UGT1A9: variants seen among roughly 807,000 people sequenced by gnomAD.
UGT1A9 encodes UDP glucuronosyltransferase family 1 member A9, also known as UDP-glucuronosyltransferase 1A9.
In UGT1A9, 35 loss-of-function variants were observed where a neutral mutation model predicts 45.0. The ratio of observed to expected loss-of-function variants is 0.78; its 90% CI spans 0.59 to 1.03. The LOEUF is 1.03. UGT1A9 is among the 50% of genes least tolerant of loss of function. UGT1A9 has a pLI of 0.00. For synonymous variants in UGT1A9, 278 were observed against 250.6 expected, an observed-to-expected ratio of 1.11 and a Z score of -1.03; for missense variants, 687 against 666.6, an observed-to-expected ratio of 1.03 and a Z score of -0.34.
At chr2:233,749,829 T>G (rs758485445) in intron 1 of UGT1A9, among the ~76,000 whole-genome samples, 2 of 151,956 alleles carry the variant, frequency 1.3e-5, no homozygotes, top group Non-Finnish European at 2.9e-5. Context: ...CTCTCTTTCA[T>G]GTAAGACGTG....
chr2:233,761,198 T>G (rs1477470305), intron 1 of UGT1A9: 1 of 1,614,016 alleles, frequency 6.2e-7, no homozygotes, highest in African/African-American at 1.3e-5. Context: ...CTTTCAGATG[T>G]ATTACTTTGG....
intron 1 of UGT1A9, among the ~76,000 whole-genome samples, chr2:233,711,923 C>G (rs946379005): frequency 1.3e-5 from 2 of 152,212 alleles, no homozygotes; most frequent in Admixed American, 6.5e-5. Flanking sequence ...TGCTCAGGGT[C>G]TCTCCATTAG....
chr2:233,725,960 G>A (rs574964594), intron 1 of UGT1A9, among the ~76,000 whole-genome samples: 2 of 152,228 alleles, frequency 1.3e-5, no homozygotes, highest in East Asian at 3.9e-4. Flanking sequence ...GAGCCCAGGA[G>A]TCTGAGAGCA....
intron 1 of UGT1A9, among the ~76,000 whole-genome samples, chr2:233,724,137 G>A (rs1240134584): frequency 1.9e-4 from 22 of 114,476 alleles, no homozygotes; most frequent in Non-Finnish European, 2.5e-4. Context: ...CCTCCCGGAC[G>A]GGGCGGCTGG....
chr2:233,739,031 G>A (rs1340117619), intron 1 of UGT1A9: 1 of 152,236 alleles, frequency 6.6e-6, no homozygotes, highest in East Asian at 1.9e-4. Flanking sequence ...GGCTAAAAGG[G>A]GCCAAGGTAG....
At chr2:233,686,264 G>C (rs1414310653) in intron 1 of UGT1A9, among the ~76,000 whole-genome samples, 1 of 149,158 alleles carries the variant, frequency 6.7e-6, no homozygotes, top group African/African-American at 2.5e-5. Flanking sequence ...TTTTTTTCTT[G>C]TACCAAAAGT....
chr2:233,721,880 C>A, intron 1 of UGT1A9: 1 of 494,092 alleles, frequency 2.0e-6, no homozygotes, highest in Admixed American at 2.1e-5. Flanking sequence ...CTTGCCAGCC[C>A]CTCCATTGCA....
chr2:233,719,552 A>G (rs2076779891), intron 1 of UGT1A9: 8 of 1,613,748 alleles, frequency 5.0e-6, no homozygotes, highest in South Asian at 4.4e-5. Context: ...GAGAGGTGTC[A>G]GTGGTGGATC....
At chr2:233,751,090 G>C (rs1035981747) in intron 1 of UGT1A9, among the ~76,000 whole-genome samples, 2 of 151,962 alleles carry the variant, frequency 1.3e-5, no homozygotes, top group African/African-American at 2.4e-5. Context: ...GCAGCCAGGA[G>C]GAGGGCTTTG....
Position 233,719,305 on chromosome 2 carries a change from C to T in UGT1A9, c.855+46516C>T, listed in dbSNP as rs149960993. 1.9e-6 allele frequency: 3 copies of T among 1,613,868 alleles called. No individual in the cohort carries two copies. The African/African-American group carries it at 4.0e-5, about 22-fold the overall frequency. ...GTTAACCTCTGTGGGGCGGTGCTGG[C>T]TAAGTACCTGTCGATTCCTGCTGTG... On this transcript the variant is annotated intron_variant, in intron 1 of 4. Coordinates refer to ENST00000354728, the MANE Select transcript of UGT1A9 (RefSeq NM_021027.3).
At chr2:233,730,565 C>T (rs28898621) in intron 1 of UGT1A9, among the ~76,000 whole-genome samples, 10,381 of 152,078 alleles carry the variant, frequency 0.068, 502 homozygotes, top group East Asian at 0.2. Context: ...GAATGACACA[C>T]GAAGTTCAGT....
intron 1 of UGT1A9, chr2:233,693,306 AGCGATCAT>A (rs756247259): frequency 1.2e-6 from 2 of 1,614,218 alleles, no homozygotes; most frequent in Admixed American, 3.3e-5. Flanking sequence ...CACTTTGCTG[AGCGATCAT>A]TCCTAACTGC....
intron 1 of UGT1A9, among the ~76,000 whole-genome samples, chr2:233,745,151 G>A (rs1280914667): frequency 6.6e-6 from 1 of 151,808 alleles, no homozygotes; most frequent in African/African-American, 2.4e-5. Flanking sequence ...AGTATATGGA[G>A]GGTCAAATGT....
intron 1 of UGT1A9, among the ~76,000 whole-genome samples, chr2:233,707,461 T>C (rs1015244462): frequency 6.6e-6 from 1 of 152,148 alleles, no homozygotes; most frequent in Admixed American, 6.5e-5. Context: ...TAAATTTGCA[T>C]CTGTAAATAA....
At position 233,700,243 on chromosome 2, in the gene UGT1A9, C is replaced by T. The variant is rs28898585; in HGVS notation, c.855+27454C>T. ...CTAGGCAACTCAGTAGAACAAAAGC[C>T]CCAAAATGCCAAGTCATTCTTAATA... On this transcript the variant is annotated intron_variant, in intron 1 of 4. Transcript: ENST00000354728. Among the ~76,000 whole-genome samples the T allele has an allele frequency of 7.4e-3, 1,126 of 152,274 alleles. 17 individuals carry two copies. Among genetic ancestry groups the T allele is most frequent in the African/African-American group, 0.025 (1,040 of 41,540 alleles).
chr2:233,701,917 A>C (rs1244253479), intron 1 of UGT1A9, among the ~76,000 whole-genome samples: 3 of 152,188 alleles, frequency 2.0e-5, no homozygotes, highest in South Asian at 2.1e-4. Flanking sequence ...TGACACCCTA[A>C]CATCACAATT....
intron 1 of UGT1A9, among the ~76,000 whole-genome samples, chr2:233,737,011 AG>A (rs2078834177): frequency 1.3e-5 from 2 of 152,192 alleles, no homozygotes; most frequent in Non-Finnish European, 2.9e-5. Context: ...CCGCTTGAGG[AG>A]GCAGTCTGTC....
chr2:233,766,003 G>A (rs1430572640), intron 1 of UGT1A9, among the ~76,000 whole-genome samples: 1 of 152,074 alleles, frequency 6.6e-6, no homozygotes, highest in Non-Finnish European at 1.5e-5. Flanking sequence ...AGTGGGCGTG[G>A]GTTATGGCCT....
At chr2:233,710,810 A>G (rs2076149452) in intron 1 of UGT1A9, among the ~76,000 whole-genome samples, 2 of 152,196 alleles carry the variant, frequency 1.3e-5, no homozygotes, top group African/African-American at 4.8e-5. Context: ...CTCGTGCCCT[A>G]TCTAAGGAAT....
Sources: allele counts gnomAD v4.1 joint callset (sites outside exome capture counted in the v4.1 genomes callset), GRCh38; gene constraint gnomAD v4.1.1; transcripts MANE v1.5; gene names NCBI Gene and HGNC (gene_info 2026-07-23, HGNC 2026-07-21).